Variants in GNG2 observed in about 807,000 individuals in gnomAD.
GNG2 encodes guanine nucleotide-binding protein G(I)/G(S)/G(O) subunit gamma-2.
A neutral mutation model predicts 5.5 loss-of-function variants in GNG2; 5 were observed. The ratio of observed to expected loss-of-function variants is 0.91; its 90% CI spans 0.48 to 1.92. The LOEUF (loss-of-function observed/expected upper bound fraction) is 1.92. GNG2 is among the 30% of genes most tolerant of loss of function. The probability of loss-of-function intolerance (pLI) is 0.01; values close to 1 mark genes in which losing one functional copy is unlikely to be tolerated. For synonymous variants in GNG2, 28 were observed against 32.0 expected (o/e 0.88, Z 0.42); for missense variants, 55 against 88.4 (o/e 0.62, Z 1.52).
chr14:51,953,980 TAAG>T (rs1004394035), intron 3 of GNG2, among the ~76,000 whole-genome samples: 25 of 152,202 alleles, frequency 1.6e-4, no homozygotes, highest in Admixed American at 9.8e-4. Context: ...ATAGGACTCT[TAAG>T]AGGAGGATTT....
chr14:51,901,339 A>G (rs1411381305), intron 2 of GNG2, among the ~76,000 whole-genome samples: 1 of 151,888 alleles, frequency 6.6e-6, no homozygotes, highest in Non-Finnish European at 1.5e-5. Flanking sequence ...GGTGTGCACC[A>G]CCATGCCCAG....
chr14:51,875,958 G>A (rs1446971530), intron 1 of GNG2, among the ~76,000 whole-genome samples: 3 of 40,854 alleles, frequency 7.3e-5, no homozygotes, highest in African/African-American at 1.5e-4. Flanking sequence ...TTTTTTCCGA[G>A]ACAGACTCTC....
chr14:51,851,424 C>G (rs1484430321), intron 2 of GNG2, among the ~76,000 whole-genome samples: 1 of 152,212 alleles, frequency 6.6e-6, no homozygotes, highest in African/African-American at 2.4e-5. Flanking sequence ...AGAGTACATA[C>G]TAACCTCATC....
At chr14:51,959,511 A>G (rs1889466388) in intron 3 of GNG2, among the ~76,000 whole-genome samples, 1 of 152,150 alleles carries the variant, frequency 6.6e-6, no homozygotes, top group Non-Finnish European at 1.5e-5. Context: ...TTTATCCAGA[A>G]TTAGACTACT....
chr14:51,937,623 A>ATTTTT (rs60571273), intron 2 of GNG2, among the ~76,000 whole-genome samples: 4 of 133,580 alleles, frequency 3.0e-5, no homozygotes, highest in Admixed American at 8.0e-5. Flanking sequence ...GAAATACATA[A>ATTTTT]TTTTTTTTTT....
intron 1 of GNG2, among the ~76,000 whole-genome samples, chr14:51,864,303 T>C (rs72678123): frequency 1.9e-4 from 29 of 152,370 alleles, no homozygotes; most frequent in Middle Eastern, 3.4e-3. Context: ...ATTGGCCATT[T>C]GTATATCTTC....
At chr14:51,852,014 C>G (rs1208559370) in intron 2 of GNG2, among the ~76,000 whole-genome samples, 1 of 146,140 alleles carries the variant, frequency 6.8e-6, no homozygotes, top group Non-Finnish European at 1.5e-5. Context: ...TGCAAATCTA[C>G]TTTCTAGATG....
intron 2 of GNG2, among the ~76,000 whole-genome samples, chr14:51,855,074 G>C (rs12883693): frequency 0.1 from 15,623 of 152,040 alleles, 1,188 homozygotes; most frequent in African/African-American, 0.21. Context: ...ATTCATCACC[G>C]ATAGCCTCCC....
chr14:51,953,137 A>T (rs1028936755), intron 3 of GNG2, among the ~76,000 whole-genome samples: 7 of 152,342 alleles, frequency 4.6e-5, no homozygotes, highest in Non-Finnish European at 8.8e-5. Context: ...TTGACTCATT[A>T]AAGATTCAGA....
chr14:51,928,845 T>G (rs1340954509), intron 2 of GNG2, among the ~76,000 whole-genome samples: 1 of 152,170 alleles, frequency 6.6e-6, no homozygotes, highest in Admixed American at 6.5e-5. Flanking sequence ...GTTCTGTGAT[T>G]TACAGGCGTG....
At chr14:51,836,010 T>G (rs1235043884) in intron 2 of GNG2, among the ~76,000 whole-genome samples, 1 of 151,710 alleles carries the variant, frequency 6.6e-6, no homozygotes, top group East Asian at 1.9e-4. Context: ...CAATAGAAAT[T>G]TATTTCTCAC....
intron 3 of GNG2, among the ~76,000 whole-genome samples, chr14:51,966,345 C>G (rs1345386719): frequency 6.6e-6 from 1 of 152,100 alleles, no homozygotes; most frequent in Non-Finnish European, 1.5e-5. Flanking sequence ...GTGCCTCACT[C>G]ACCTTAACCT....
intron 2 of GNG2, among the ~76,000 whole-genome samples, chr14:51,922,509 C>T (rs1887074536): frequency 1.3e-5 from 2 of 152,174 alleles, no homozygotes; most frequent in Admixed American, 1.3e-4. Context: ...TTAGCCCTGA[C>T]AACCACACCC....
chr14:51,828,460 G>A (rs920951721), intron 2 of GNG2, among the ~76,000 whole-genome samples: 2 of 152,118 alleles, frequency 1.3e-5, no homozygotes, highest in Non-Finnish European at 2.9e-5. Context: ...TGATAAGGGG[G>A]CAGGAGGAAA....
At chr14:51,838,152 TCTACA>T (rs1881387704) in intron 2 of GNG2, among the ~76,000 whole-genome samples, 1 of 152,090 alleles carries the variant, frequency 6.6e-6, no homozygotes. Flanking sequence ...TTTTATGAGA[TCTACA>T]CAATTCTGAA....
intron 1 of GNG2, among the ~76,000 whole-genome samples, chr14:51,875,848 TAA>T (rs962242006): frequency 3.3e-5 from 5 of 151,570 alleles, no homozygotes; most frequent in Non-Finnish European, 5.9e-5. Flanking sequence ...AACCTTATTT[TAA>T]GTTACTTTTT....
chr14:51,895,515 T>A (rs542500530), intron 2 of GNG2, among the ~76,000 whole-genome samples: 126 of 152,218 alleles, frequency 8.3e-4, no homozygotes, highest in Non-Finnish European at 1.6e-3. Context: ...GAGGAAGAAA[T>A]CCTAAACATC....
chr14:51,911,635 TTGGG>T (rs1300960925), intron 2 of GNG2, among the ~76,000 whole-genome samples: 4 of 149,654 alleles, frequency 2.7e-5, no homozygotes, highest in South Asian at 2.1e-4. Context: ...CCTCTAACTC[TTGGG>T]CTCATGTAAT....
chr14:51,880,890 G>C (rs181627148), intron 2 of GNG2, among the ~76,000 whole-genome samples: 1 of 150,186 alleles, frequency 6.7e-6, no homozygotes, highest in Non-Finnish European at 1.5e-5. Flanking sequence ...TTGAAAATGG[G>C]GGTTAATCCA....
Sources: allele counts gnomAD v4.1 joint callset (sites outside exome capture counted in the v4.1 genomes callset), GRCh38; gene constraint gnomAD v4.1.1; transcripts MANE v1.5; gene names NCBI Gene and HGNC (gene_info 2026-07-23, HGNC 2026-07-21).